Variants in KLHDC7A observed in about 807,000 individuals in gnomAD.
The protein encoded by KLHDC7A is kelch domain containing 7A.
For missense variants in KLHDC7A, 1,123 were observed against 1,052.6 expected (o/e 1.07, Z -0.93); for synonymous variants, 464 against 461.0 (o/e 1.01, Z -0.08).
Position 18,483,899 on chromosome 1 carries a change from A to G in KLHDC7A, c.*584A>G. The G allele has an allele frequency of 7.7e-7, 1 of 1,300,724 alleles. No homozygotes were observed. The highest frequency in any genetic ancestry group is 2.1e-4 in the Middle Eastern group (1 of 4,676). The allele number at this position is 1,300,724 out of a possible 1,614,324, so 80.6% of individuals were successfully genotyped here. A position where few individuals can be genotyped will look rare whatever the true frequency, so the allele number is the denominator to read the frequency against. On this transcript the variant is annotated 3_prime_UTR_variant, in exon 1 of 1. Coordinates refer to ENST00000400664, the MANE Select transcript of KLHDC7A (RefSeq NM_152375.3). ...TGGCCAGAGGGAGTGGTGGTTTGAA[A>G]AGTAGAACAGCTGAAGCTGGGGCCA... is the stretch of plus-strand genomic sequence containing the variant.
chr1:18,482,144 C>G lies in KLHDC7A; in HGVS notation c.1163C>G (p.Pro388Arg), dbSNP rs765125365. The G allele has an allele frequency of 6.2e-7, 1 of 1,611,910 alleles. No individual in the cohort carries two copies. Among genetic ancestry groups the G allele is most frequent in the Non-Finnish European group, 8.5e-7 (1 of 1,179,798 alleles). The stretch of plus-strand genomic sequence containing the variant: ...GATGGCTTCCGGCTCCCCGCTCCAC[C>G]CTGCCCAGACCCGGGCGCCCTGCCT... ...QPDGFRLPAP[P>R]CPDPGALPGL... The change falls in exon 1 of 1, where the codon CCC becomes CGC. Residue 388 changes from proline (P) to arginine (R), a missense_variant. Physicochemically the swap from Pro to Arg is moderately radical, Grantham distance 103 (BLOSUM62 -2). Coordinates refer to ENST00000400664, the MANE Select transcript of KLHDC7A (RefSeq NM_152375.3).
Position 18,482,323 on chromosome 1 carries a change from G to A in KLHDC7A, c.1342G>A (p.Glu448Lys), listed in dbSNP as rs1227854854. The change falls in exon 1 of 1, where the codon GAG becomes AAG. Residue 448 changes from glutamate to lysine, a missense_variant. Physicochemically the swap from Glu to Lys is moderately conservative, Grantham distance 56. Transcript: ENST00000400664. ...VLTLAKRQNL[E>K]ALKEAAYKVM... ...GACCTTGGCCAAGAGGCAGAACCTGGAGGCCCTGAAAGAGGCGGCCTACAA... is the reference window on the plus strand; with the variant it reads ...GACCTTGGCCAAGAGGCAGAACCTGAAGGCCCTGAAAGAGGCGGCCTACAA... The A allele has an allele frequency of 6.2e-7, 1 of 1,602,104 alleles. No individual in the cohort carries two copies. Among genetic ancestry groups the A allele is most frequent in the Non-Finnish European group, 8.5e-7 (1 of 1,179,950 alleles).
rs751307687 is a variant in KLHDC7A at position 18,481,891 on chromosome 1, G to C, written c.910G>C (p.Gly304Arg). The C allele has an allele frequency of 6.2e-7, 1 of 1,613,444 alleles. No individual in the cohort carries two copies. Among genetic ancestry groups the C allele is most frequent in the African/African-American group, 1.3e-5 (1 of 74,928 alleles). The change falls in exon 1 of 1, where the codon GGC (glycine) becomes CGC (arginine). Residue 304 changes from glycine (G) to arginine (R), a missense_variant. Coordinates refer to ENST00000400664, the MANE Select transcript of KLHDC7A (RefSeq NM_152375.3). The part of the protein sequence containing the change: ...VESTSQAIFQ[G>R]RLAPRTAALT... ...ATCTACCTCTCAGGCCATCTTCCAG[G>C]GCAGGCTGGCTCCCAGGACAGCAGC...
chr1:18,482,703 G>A lies in KLHDC7A; in HGVS notation c.1722G>A (p.Pro574=), dbSNP rs780970328. The change falls in exon 1 of 1, where the codon CCG becomes CCA. Residue 574 remains proline, a synonymous_variant. Coordinates refer to ENST00000400664, the MANE Select transcript of KLHDC7A (RefSeq NM_152375.3). ...PLTGIWSEVC[P]LNQARPHCRL... is the part of the protein sequence containing the mutation. ...CGGGGATCTGGAGCGAGGTGTGCCCGCTGAACCAGGCCCGGCCGCACTGCC... is the reference window on the plus strand; with the variant it reads ...CGGGGATCTGGAGCGAGGTGTGCCCACTGAACCAGGCCCGGCCGCACTGCC... The A allele has an allele frequency of 5.6e-6, 9 of 1,609,286 alleles. No individual in the cohort carries two copies. The highest frequency in any genetic ancestry group is 4.4e-5 in the South Asian group (4 of 90,812).
Position 18,482,670 on chromosome 1 carries a change from C to G in KLHDC7A, c.1689C>G (p.Asn563Lys). Residue 563 changes from asparagine to lysine, a missense_variant, in exon 1 of 1, where the codon AAC becomes AAG. Transcript: ENST00000400664. ...HQPSSRVFCY[N>K]PLTGIWSEVC... ...CCTCCAGCCGCGTCTTCTGCTACAA[C>G]CCGCTCACGGGGATCTGGAGCGAGG... 1 of 1,609,078 alleles carries G rather than the reference C, an allele frequency of 6.2e-7. No homozygotes were observed. The highest frequency in any genetic ancestry group is 1.7e-5 in the Admixed American group (1 of 59,930).
In KLHDC7A at chr1:18,484,625, C is replaced by T. The variant is rs1466898187; in HGVS notation, c.*1310C>T. Reference sequence around the variant, plus strand: ...AGGACAATTCATGTCCCTGTCTGCCCTGGGGATAAATGAGAGGATAAAAGA... The same window carrying T: ...AGGACAATTCATGTCCCTGTCTGCCTTGGGGATAAATGAGAGGATAAAAGA... On this transcript the variant is annotated 3_prime_UTR_variant, in exon 1 of 1. Coordinates refer to ENST00000400664, the MANE Select transcript of KLHDC7A (RefSeq NM_152375.3). 2 of 167,298 alleles carry T rather than the reference C, an allele frequency of 1.2e-5. No homozygotes were observed. Among genetic ancestry groups the T allele is most frequent in the African/African-American group, 4.8e-5 (2 of 41,472 alleles). 10.4% of individuals were successfully genotyped at this position (167,298 alleles called of 1,614,324 possible).
chr1:18,483,489 C>T lies in KLHDC7A; in HGVS notation c.*174C>T. ...GGGGAGAGAGGGATCTTAGATGAGT[C>T]TTACCCTTCATGGGCTGCAGAGGCC... On this transcript the variant is annotated 3_prime_UTR_variant, in exon 1 of 1. Coordinates refer to ENST00000400664, the MANE Select transcript of KLHDC7A (RefSeq NM_152375.3). 2.1e-6 allele frequency: 3 copies of T among 1,449,952 alleles called. No individual in the cohort carries two copies. In the South Asian group the frequency reaches 4.5e-5, roughly 22 times the overall value. 89.8% of individuals were successfully genotyped at this position (1,449,952 alleles called of 1,614,324 possible). A position where few individuals can be genotyped will look rare whatever the true frequency, so the allele number is the denominator to read the frequency against.
Position 18,481,723 on chromosome 1 carries a change from A to T in KLHDC7A, c.742A>T (p.Thr248Ser). 1 of 1,614,024 alleles carries T rather than the reference A, an allele frequency of 6.2e-7. No homozygotes were observed. The highest frequency in any genetic ancestry group is 8.5e-7 in the Non-Finnish European group (1 of 1,179,988). Reference protein sequence around the residue: ...ALEAASDVDLTLHQQEGAPNS... With the variant: ...ALEAASDVDLSLHQQEGAPNS... ...CGAGGCTGCCTCCGATGTTGACCTGACCCTGCATCAGCAGGAGGGCGCCCC... is the reference window on the plus strand; with the variant it reads ...CGAGGCTGCCTCCGATGTTGACCTGTCCCTGCATCAGCAGGAGGGCGCCCC... The change falls in exon 1 of 1, where the codon ACC (threonine) becomes TCC (serine). Residue 248 changes from threonine to serine, a missense_variant. Physicochemically the swap from Thr to Ser is moderately conservative, Grantham distance 58 (BLOSUM62 1). Coordinates refer to ENST00000400664, the MANE Select transcript of KLHDC7A (RefSeq NM_152375.3).
rs2086928381 is a variant in KLHDC7A at position 18,485,697 on chromosome 1, T to C, written c.*2382T>C. On this transcript the variant is annotated 3_prime_UTR_variant, in exon 1 of 1. Transcript: ENST00000400664. ...GGCCATCAGGGTGGAACAAGGTAGC[T>C]CAAGACCTTGGAAAGACACCCTGAG... The C allele has an allele frequency of 6.0e-6, 1 of 165,852 alleles. No homozygotes were observed. Among genetic ancestry groups the C allele is most frequent in the South Asian group, 2.1e-4 (1 of 4,674 alleles). The allele number at this position is 165,852 out of a possible 1,614,324, so 10.3% of individuals were successfully genotyped here. A position where few individuals can be genotyped will look rare whatever the true frequency, so the allele number is the denominator to read the frequency against.
At position 18,482,101 on chromosome 1, in the gene KLHDC7A, G is replaced by GAGCTGC. The variant is rs1352142503; in HGVS notation, c.1130_1135dup (p.Leu377_Gln378dup). 6.2e-7 allele frequency: 1 copy of GAGCTGC among 1,612,060 alleles called. No individual in the cohort carries two copies. Among genetic ancestry groups the GAGCTGC allele is most frequent in the Non-Finnish European group, 8.5e-7 (1 of 1,179,458 alleles). ...CCTTCTGCAGATAGCGGAGAACCCA[G>GAGCTGC]AGCTGCAGCTGCAGCCAGATGGCTT... is the stretch of plus-strand genomic sequence containing the variant. On this transcript the variant is annotated inframe_insertion, in exon 1 of 1. Coordinates refer to ENST00000400664, the MANE Select transcript of KLHDC7A (RefSeq NM_152375.3).
Position 18,483,247 on chromosome 1 carries a change from C to T in KLHDC7A, c.2266C>T (p.Pro756Ser), listed in dbSNP as rs764395980. ...VPKELRSFPAPQGTLLPTVLT... is the reference protein window; with the variant it reads ...VPKELRSFPASQGTLLPTVLT... Reference sequence around the variant, plus strand: ...CAAGGAGCTGCGGAGTTTCCCGGCCCCGCAGGGCACCCTCCTGCCCACCGT... The same window carrying T: ...CAAGGAGCTGCGGAGTTTCCCGGCCTCGCAGGGCACCCTCCTGCCCACCGT... The change falls in exon 1 of 1, where the codon CCG becomes TCG. Residue 756 changes from proline to serine, a missense_variant. Physicochemically the swap from Pro to Ser is moderately conservative, Grantham distance 74. Transcript: ENST00000400664. 5.0e-6 allele frequency: 8 copies of T among 1,613,794 alleles called. No individual in the cohort carries two copies. In the Admixed American group the frequency reaches 1.3e-4, roughly 27 times the overall value.
rs2086914631 is a variant in KLHDC7A, at chr1:18,483,548, C to T, written c.*233C>T. On this transcript the variant is annotated 3_prime_UTR_variant, in exon 1 of 1. Coordinates refer to ENST00000400664, the MANE Select transcript of KLHDC7A (RefSeq NM_152375.3). ...GAAAAGAGGACCAGGAGCTGGTGTTCCAAGGCAGAAGGCATTCATGTCTTC... is the reference window on the plus strand; with the variant it reads ...GAAAAGAGGACCAGGAGCTGGTGTTTCAAGGCAGAAGGCATTCATGTCTTC... 3 of 1,420,980 alleles carry T rather than the reference C, an allele frequency of 2.1e-6. No individual in the cohort carries two copies. The highest frequency in any genetic ancestry group is 3.0e-5 in the Admixed American group (1 of 33,620). The allele number at this position is 1,420,980 out of a possible 1,614,324, so 88.0% of individuals were successfully genotyped here. A position where few individuals can be genotyped will look rare whatever the true frequency, so the allele number is the denominator to read the frequency against.
In KLHDC7A at chr1:18,483,131, A is replaced by T; in HGVS notation, c.2150A>T (p.Gln717Leu). Reference protein sequence around the residue: ...TYRTPYPDAFQCAVVDNLIYC... With the variant: ...TYRTPYPDAFLCAVVDNLIYC... ...CGGACGCCTTACCCGGATGCCTTCC[A>T]GTGCGCCGTGGTGGACAACCTCATC... Residue 717 changes from glutamine to leucine, a missense_variant, in exon 1 of 1, where the codon CAG (glutamine) becomes CTG (leucine). Gln to Leu is a moderately radical substitution (Grantham distance 113, BLOSUM62 -2). Transcript: ENST00000400664. The T allele has an allele frequency of 6.2e-7, 1 of 1,613,984 alleles. No homozygotes were observed. Among genetic ancestry groups the T allele is most frequent in the Non-Finnish European group, 8.5e-7 (1 of 1,180,028 alleles).
Position 18,483,721 on chromosome 1 carries a change from T to A in KLHDC7A, c.*406T>A. ...CCTCGCTAGTTGCTCTGGAGAGGGG[T>A]TGGCTCTCTGAGCCATCAGTGCCCC... On this transcript the variant is annotated 3_prime_UTR_variant, in exon 1 of 1. Coordinates refer to ENST00000400664, the MANE Select transcript of KLHDC7A (RefSeq NM_152375.3). The A allele has an allele frequency of 8.4e-7, 1 of 1,193,148 alleles. No individual in the cohort carries two copies. Among genetic ancestry groups the A allele is most frequent in the African/African-American group, 1.6e-5 (1 of 62,530 alleles). 73.9% of individuals were successfully genotyped at this position (1,193,148 alleles called of 1,614,324 possible). A position where few individuals can be genotyped will look rare whatever the true frequency, so the allele number is the denominator to read the frequency against.
Position 18,482,041 on chromosome 1 carries a change from T to A in KLHDC7A, c.1060T>A (p.Trp354Arg). The A allele has an allele frequency of 6.2e-7, 1 of 1,612,644 alleles. No homozygotes were observed. Among genetic ancestry groups the A allele is most frequent in the Non-Finnish European group, 8.5e-7 (1 of 1,179,830 alleles). Residue 354 changes from tryptophan to arginine, a missense_variant, in exon 1 of 1, where the codon TGG becomes AGG. Trp to Arg is a moderately radical substitution (Grantham distance 101, BLOSUM62 -3). Transcript: ENST00000400664. The part of the protein sequence containing the change: ...ERAASPQTGP[W>R]PSTRGFSRKE... ...AGCCGCCTCCCCGCAGACAGGGCCG[T>A]GGCCCTCCACCCGAGGCTTCAGCCG...
In KLHDC7A at chr1:18,484,155, C is replaced by A; in HGVS notation, c.*840C>A. 1.3e-6 allele frequency: 1 copy of A among 761,480 alleles called. No individual in the cohort carries two copies. Among genetic ancestry groups the A allele is most frequent in the Admixed American group, 2.5e-5 (1 of 40,600 alleles). 47.2% of individuals were successfully genotyped at this position (761,480 alleles called of 1,614,324 possible). ...CACTCATTCTCAGATCTGTAGCCGT[C>A]TTCCTGTCTGGAAGCTGGGGCAACC... On this transcript the variant is annotated 3_prime_UTR_variant, in exon 1 of 1. Coordinates refer to ENST00000400664, the MANE Select transcript of KLHDC7A (RefSeq NM_152375.3).
Position 18,482,500 on chromosome 1 carries a change from G to A in KLHDC7A, c.1519G>A (p.Gly507Ser), listed in dbSNP as rs756808818. 6.2e-7 allele frequency: 1 copy of A among 1,611,842 alleles called. No individual in the cohort carries two copies. Residue 507 changes from glycine (G) to serine (S), a missense_variant, in exon 1 of 1, where the codon GGC becomes AGC. Transcript: ENST00000400664. ...ADVCPKEDSG[G>S]LCCYDDEQDV... ...CGTGTGCCCCAAGGAAGACTCCGGC[G>A]GCCTCTGTTGCTATGACGATGAGCA...
Position 18,485,357 on chromosome 1 carries a change from G to A in KLHDC7A, c.*2042G>A, listed in dbSNP as rs897677017. 6.0e-5 allele frequency: 10 copies of A among 166,580 alleles called. No homozygotes were observed. The highest frequency in any genetic ancestry group is 3.4e-3 in the Middle Eastern group (1 of 298). The allele number at this position is 166,580 out of a possible 1,614,324, so 10.3% of individuals were successfully genotyped here. A position where few individuals can be genotyped will look rare whatever the true frequency, so the allele number is the denominator to read the frequency against. ...CATTGCATACCTGTGGTAGAGACTA[G>A]GGGAGTGATTCCAGGGATAAGACGG... On this transcript the variant is annotated 3_prime_UTR_variant, in exon 1 of 1. Transcript: ENST00000400664.
rs1409694772 is a variant in KLHDC7A, at chr1:18,482,721, G to A, written c.1740G>A (p.Pro580=). 1 of 1,609,946 alleles carries A rather than the reference G, an allele frequency of 6.2e-7. No individual in the cohort carries two copies. The highest frequency in any genetic ancestry group is 1.7e-5 in the Admixed American group (1 of 59,788). ...SEVCPLNQAR[P]HCRLVALDGH... is the part of the protein sequence containing the mutation. ...TGTGCCCGCTGAACCAGGCCCGGCC[G>A]CACTGCCGGCTGGTGGCCCTGGACG... Residue 580 remains proline, a synonymous_variant, in exon 1 of 1, where the codon CCG becomes CCA. Coordinates refer to ENST00000400664, the MANE Select transcript of KLHDC7A (RefSeq NM_152375.3).
Sources: gnomAD v4.1 joint callset for allele counts on GRCh38, gnomAD v4.1.1 for gene constraint, MANE v1.5 for transcripts, NCBI Gene and HGNC (gene_info 2026-07-23, HGNC 2026-07-21) for gene names.